Variants in DSCAML1 observed in about 807,000 individuals in gnomAD.
DSCAML1 encodes DS cell adhesion molecule like 1.
Under a neutral mutation model 200.5 loss-of-function variants are expected in DSCAML1, and 38 were observed. The ratio of observed to expected loss-of-function variants is 0.19; its 90% CI spans 0.15 to 0.25. The LOEUF (loss-of-function observed/expected upper bound fraction) is 0.25, where lower values mean the gene tolerates loss of function less well. DSCAML1 is among the 10% of genes least tolerant of loss of function. DSCAML1 has a pLI of 1.00. For missense variants in DSCAML1, 2,223 were observed against 2,858.8 expected (o/e 0.78, Z 5.07); for synonymous variants, 1,215 against 1,165.0 (o/e 1.04, Z -0.87).
intron 3 of DSCAML1, among the ~76,000 whole-genome samples, chr11:117,676,577 C>A (rs541420881): frequency 6.6e-6 from 1 of 152,314 alleles, no homozygotes; most frequent in African/African-American, 2.4e-5. Flanking sequence ...CTCCTGGGAC[C>A]AGTCCTTCCT....
At chr11:117,814,964 A>ACGCACT (rs2134092366) in intron 1 of DSCAML1, among the ~76,000 whole-genome samples, 2 of 152,326 alleles carry the variant, frequency 1.3e-5, no homozygotes, top group Non-Finnish European at 2.9e-5. Context: ...TGGGTTTGGC[A>ACGCACT]CGCACTCGGT....
intron 11 of DSCAML1, among the ~76,000 whole-genome samples, chr11:117,484,335 C>G (rs758478369): frequency 3.9e-5 from 6 of 152,186 alleles, no homozygotes; most frequent in Non-Finnish European, 7.3e-5. Flanking sequence ...TCCCCGAAGT[C>G]ACACCACACA....
At chr11:117,474,382 C>T (rs2048746555) in intron 14 of DSCAML1, among the ~76,000 whole-genome samples, 1 of 152,172 alleles carries the variant, frequency 6.6e-6, no homozygotes, top group Non-Finnish European at 1.5e-5. Context: ...CCCCCTCTAC[C>T]CTACCAGGAA....
rs1482123665 is a variant in DSCAML1, at chr11:117,431,043, TAAGAG to T, written c.5375-15_5375-11del. The T allele has an allele frequency of 6.2e-7, 1 of 1,604,396 alleles. No individual in the cohort carries two copies. Among genetic ancestry groups the T allele is most frequent in the Non-Finnish European group, 8.5e-7 (1 of 1,174,818 alleles). ...CTGTTCCTTCCTTTGTCTGGGGAGT[TAAGAG>T]GAAAGGGGTGGGTTACGGGGAGGAG... On this transcript the variant is annotated splice_polypyrimidine_tract_variant and intron_variant, in intron 31 of 32. Transcript: ENST00000651296.
intron 3 of DSCAML1, among the ~76,000 whole-genome samples, chr11:117,703,077 G>A (rs777381468): frequency 1.3e-5 from 2 of 152,200 alleles, no homozygotes; most frequent in Non-Finnish European, 2.9e-5. Context: ...ACATAAAAGG[G>A]CTTAGGACCT....
chr11:117,744,638 C>A (rs1001107857), intron 3 of DSCAML1, among the ~76,000 whole-genome samples: 1 of 152,254 alleles, frequency 6.6e-6, no homozygotes, highest in Non-Finnish European at 1.5e-5. Flanking sequence ...CCACTGGCCA[C>A]CCCAGTAGCC....
At chr11:117,449,283 G>A (rs751602696) in intron 20 of DSCAML1, among the ~76,000 whole-genome samples, 1 of 152,066 alleles carries the variant, frequency 6.6e-6, no homozygotes, top group African/African-American at 2.4e-5. Context: ...GCTGCTGCTT[G>A]GGTGGGTTGT....
chr11:117,521,812 AAC>A (rs1408030011), intron 5 of DSCAML1, among the ~76,000 whole-genome samples: 1 of 152,152 alleles, frequency 6.6e-6, no homozygotes, highest in Non-Finnish European at 1.5e-5. Context: ...TTGCGGAGAT[AAC>A]ACATTGCTAT....
At chr11:117,712,656 G>A (rs1325102392) in intron 3 of DSCAML1, among the ~76,000 whole-genome samples, 1 of 152,004 alleles carries the variant, frequency 6.6e-6, no homozygotes, top group Non-Finnish European at 1.5e-5. Context: ...CATCCTCGCT[G>A]GTGTCCCAGG....
chr11:117,671,100 AGCC>A (rs1174834994), intron 3 of DSCAML1, among the ~76,000 whole-genome samples: 1 of 152,244 alleles, frequency 6.6e-6, no homozygotes. Flanking sequence ...TCAAAGCACC[AGCC>A]CAGTCCACAG....
intron 1 of DSCAML1, among the ~76,000 whole-genome samples, chr11:117,812,256 A>G (rs1565296477): frequency 1.3e-5 from 2 of 152,076 alleles, no homozygotes; most frequent in Non-Finnish European, 2.9e-5. Flanking sequence ...CTCAATGCCA[A>G]TATCCCATCC....
At chr11:117,752,525 A>T (rs1480014643) in intron 3 of DSCAML1, among the ~76,000 whole-genome samples, 1 of 152,186 alleles carries the variant, frequency 6.6e-6, no homozygotes, top group Non-Finnish European at 1.5e-5. Flanking sequence ...CACTTTGCAG[A>T]AAGGGGCACT....
At chr11:117,580,560 C>T (rs896128529) in intron 3 of DSCAML1, among the ~76,000 whole-genome samples, 1 of 122,144 alleles carries the variant, frequency 8.2e-6, no homozygotes, top group African/African-American at 2.8e-5. Flanking sequence ...ATGCCTTGCA[C>T]CCAGTAATTG....
intron 3 of DSCAML1, among the ~76,000 whole-genome samples, chr11:117,561,432 C>G (rs1271086777): frequency 1.3e-5 from 2 of 152,226 alleles, no homozygotes; most frequent in African/African-American, 4.8e-5. Flanking sequence ...CACTTAAAAT[C>G]CTGCAGCAGC....
chr11:117,428,187 G>C lies in DSCAML1; in HGVS notation c.*141C>G. 3.2e-6 allele frequency: 2 copies of C among 625,074 alleles called. No homozygotes were observed. The highest frequency in any genetic ancestry group is 5.7e-6 in the Non-Finnish European group (2 of 347,906). The allele number at this position is 625,074 out of a possible 1,614,324, so 38.7% of individuals were successfully genotyped here. On this transcript the variant is annotated 3_prime_UTR_variant, in exon 33 of 33. Transcript: ENST00000651296. ...GTACAAAAGAGTTCTATGTACAGGC[G>C]TTCATGATTGGGGGTTTTTGTTTTG...
chr11:117,441,529 G>A (rs961614722), intron 21 of DSCAML1, among the ~76,000 whole-genome samples: 24 of 152,236 alleles, frequency 1.6e-4, no homozygotes, highest in Non-Finnish European at 2.5e-4. Flanking sequence ...AAGGTGCGGG[G>A]CCACAGGTGC....
intron 1 of DSCAML1, among the ~76,000 whole-genome samples, chr11:117,794,461 T>C (rs1023256688): frequency 3.3e-5 from 5 of 152,096 alleles, no homozygotes; most frequent in African/African-American, 1.2e-4. Context: ...AAAGGTATTT[T>C]GAGAGGAATG....
chr11:117,748,051 T>C (rs1210150999), intron 3 of DSCAML1, among the ~76,000 whole-genome samples: 2 of 152,228 alleles, frequency 1.3e-5, no homozygotes, highest in Non-Finnish European at 2.9e-5. Context: ...AACACAGACC[T>C]GCTCTGCTAT....
intron 3 of DSCAML1, among the ~76,000 whole-genome samples, chr11:117,552,825 T>A (rs1248448814): frequency 6.6e-6 from 1 of 152,084 alleles, no homozygotes. Context: ...ATGAAGTCAC[T>A]CCACTGGCCT....
Sources: gnomAD v4.1 joint callset for allele counts (sites outside exome capture counted in the v4.1 genomes callset) on GRCh38, gnomAD v4.1.1 for gene constraint, MANE v1.5 for transcripts, NCBI Gene and HGNC (gene_info 2026-07-23, HGNC 2026-07-21) for gene names.